NAV2: variants seen among roughly 807,000 people sequenced by gnomAD.
NAV2 encodes the protein helicase, APC down-regulated 1.
In NAV2, 54 loss-of-function variants were observed where a neutral mutation model predicts 223.2. That is an observed-to-expected ratio of 0.24 (90% confidence interval 0.19 to 0.30). NAV2 has a LOEUF of 0.30. Among genes scored for constraint, NAV2 ranks in the 10% least tolerant of loss-of-function variants. The pLI is 1.00. For synonymous variants in NAV2, 1,279 were observed against 1,239.3 expected (o/e 1.03, Z -0.67); for missense variants, 2,806 against 3,147.5 (o/e 0.89, Z 2.60).
chr11:19,731,813 G>A (rs2051799982), intron 1 of NAV2, among the ~76,000 whole-genome samples: 1 of 152,202 alleles, frequency 6.6e-6, no homozygotes, highest in African/African-American at 2.4e-5. Flanking sequence ...AATGATTAAT[G>A]TGAACATGTA....
At chr11:19,346,694 T>C (rs1590023230), upstream of NAV2, among the ~76,000 whole-genome samples, 1 of 152,184 alleles carries the variant, frequency 6.6e-6, no homozygotes, top group African/African-American at 2.4e-5. Flanking sequence ...GGCGGCTGGG[T>C]CTGCCCTCCC....
At chr11:19,918,453 C>T (rs2153225989) in intron 6 of NAV2, among the ~76,000 whole-genome samples, 1 of 152,256 alleles carries the variant, frequency 6.6e-6, no homozygotes, top group South Asian at 2.1e-4. Flanking sequence ...TGGGAGGTGA[C>T]TTGTAAGCAT....
intron 1 of NAV2, among the ~76,000 whole-genome samples, chr11:19,619,270 A>C (rs1590697922): frequency 0.017 from 1 of 58 alleles, no homozygotes. Flanking sequence ...TTGGGTATAT[A>C]ACCCAGTAAT....
intron 15 of NAV2, 142 bp from the exon 16 acceptor site, chr11:20,049,694 A>G: frequency 1.3e-6 from 1 of 762,948 alleles, no homozygotes; most frequent in Non-Finnish European, 2.3e-6. Context: ...TCTCTGCAGC[A>G]GGGATAAATG....
chr11:19,474,254 C>T (rs1358406916), intron 1 of NAV2, among the ~76,000 whole-genome samples: 1 of 152,218 alleles, frequency 6.6e-6, no homozygotes, highest in African/African-American at 2.4e-5. Flanking sequence ...CAATGCAAGG[C>T]CAGCCCAGTG....
At chr11:19,947,541 C>T (rs2707083) in intron 9 of NAV2, among the ~76,000 whole-genome samples, 144,127 of 152,264 alleles carry the variant, frequency 0.95, 68,721 homozygotes, top group East Asian at 1. Context: ...AGCAGTTTGA[C>T]GGTGGGATGG....
Position 20,120,817 on chromosome 11 carries a change from ATT to A in NAV2, c.*2563_*2564del, listed in dbSNP as rs2063438513. 1 of 151,116 alleles carries A rather than the reference ATT, an allele frequency of 6.6e-6. No individual in the cohort carries two copies. The highest frequency in any genetic ancestry group is 1.5e-5 in the Non-Finnish European group (1 of 67,948). 9.4% of individuals were successfully genotyped at this position (151,116 alleles called of 1,614,324 possible). A position where few individuals can be genotyped will look rare whatever the true frequency, so the allele number is the denominator to read the frequency against. On this transcript the variant is annotated 3_prime_UTR_variant, in exon 38 of 38. Transcript: ENST00000349880. The stretch of plus-strand genomic sequence containing the variant: ...TATGCACATTTCTTATTTTGGTCAT[ATT>A]TTTACTTTAGTGTCACTCACCTTTT...
At chr11:19,732,758 T>C (rs2051917902) in intron 1 of NAV2, among the ~76,000 whole-genome samples, 1 of 152,202 alleles carries the variant, frequency 6.6e-6, no homozygotes, top group South Asian at 2.1e-4. Context: ...CCTGGGTGTT[T>C]CCTGGAGATC....
intron 22 of NAV2, 139 bp downstream of exon 22, chr11:20,068,537 G>A: frequency 1.5e-6 from 1 of 675,426 alleles, no homozygotes. Flanking sequence ...CATCATGGGT[G>A]TGAATGTCAG....
chr11:19,807,764 A>G (rs1276131950), intron 1 of NAV2, among the ~76,000 whole-genome samples: 1 of 152,210 alleles, frequency 6.6e-6, no homozygotes, highest in Non-Finnish European at 1.5e-5. Flanking sequence ...GTGTTCTCCA[A>G]TGATAACCTC....
chr11:19,609,157 A>G (rs1565096719), intron 1 of NAV2, among the ~76,000 whole-genome samples: 1 of 152,220 alleles, frequency 6.6e-6, no homozygotes, highest in Non-Finnish European at 1.5e-5. Flanking sequence ...AGACATCTCT[A>G]GATGGCACGA....
At chr11:20,068,143 T>C in intron 20 of NAV2, 43 bp from the exon 21 acceptor site, 1 of 1,596,180 alleles carries the variant, frequency 6.3e-7, no homozygotes, top group Non-Finnish European at 8.6e-7. Context: ...ACACTATTCT[T>C]TGTTCCTTAA....
chr11:19,776,577 G>GGTGTGTGTGTGTGTGTGT lies in NAV2; in HGVS notation c.268-55893_268-55876dup, dbSNP rs71050684. ...AACGCAGCGTGTGGGCTGGGGCAGG[G>GGTGTGTGTGTGTGTGTGT]GTGTGTGTGTGTGTGTGTGTGTGTG... is the stretch of plus-strand genomic sequence containing the variant. On this transcript the variant is annotated intron_variant, in intron 1 of 37. Coordinates refer to ENST00000349880, the MANE Select transcript of NAV2 (RefSeq NM_145117.5). Among the ~76,000 whole-genome samples the GGTGTGTGTGTGTGTGTGT allele has an allele frequency of 7.7e-4, 89 of 116,178 alleles. 5 individuals carry two copies. The highest frequency in any genetic ancestry group is 2.9e-3 in the African/African-American group (76 of 26,058). The allele number at this position is 116,178 out of a possible 152,430, so 76.2% of individuals were successfully genotyped here. A position where few individuals can be genotyped will look rare whatever the true frequency, so the allele number is the denominator to read the frequency against.
At chr11:19,345,327 G>A in the NAV2 span, among the ~76,000 whole-genome samples, 1 of 152,250 alleles carries the variant, frequency 6.6e-6, no homozygotes, top group Non-Finnish European at 1.5e-5. This position sits in a 1 kb window ranked among gnomAD's most constrained non-coding sequence, Gnocchi z 5.2. Context: ...AACCCCCTAT[G>A]CTGCCTCCCC....
chr11:19,793,225 A>G (rs2057656283), intron 1 of NAV2, among the ~76,000 whole-genome samples: 1 of 135,232 alleles, frequency 7.4e-6, no homozygotes. Flanking sequence ...AAAAAAAAAA[A>G]AAAAGAAAGA....
chr11:20,068,259 T>C, intron 21 of NAV2, 50 bp downstream of exon 21: 1 of 1,610,538 alleles, frequency 6.2e-7, no homozygotes, highest in Non-Finnish European at 8.5e-7. Context: ...TTGTCAATTA[T>C]TTGACCCTGC....
intron 1 of NAV2, among the ~76,000 whole-genome samples, chr11:19,627,675 C>CT (rs1427787981): frequency 1.3e-5 from 2 of 152,044 alleles, no homozygotes; most frequent in Admixed American, 1.3e-4. Flanking sequence ...TCCAGGGCTT[C>CT]TTAGGGGACA....
At position 20,023,019 on chromosome 11, in the gene NAV2, C is replaced by A. The variant is rs1461045308; in HGVS notation, c.2769-12940C>A. 3 of 1,528,196 alleles carry A rather than the reference C, an allele frequency of 2.0e-6. No homozygotes were observed. The Admixed American group carries it at 5.9e-5, about 30-fold the overall frequency. The allele number at this position is 1,528,196 out of a possible 1,614,324, so 94.7% of individuals were successfully genotyped here. On this transcript the variant is annotated intron_variant, in intron 11 of 37. Transcript: ENST00000349880. Reference sequence around the variant, plus strand: ...CTGGGATTCCCTGGCCCAGTGTGGGCTGGCTCAGCTGGCTAAAGGACTTGC... The same window carrying A: ...CTGGGATTCCCTGGCCCAGTGTGGGATGGCTCAGCTGGCTAAAGGACTTGC...
intron 1 of NAV2, among the ~76,000 whole-genome samples, chr11:19,455,043 C>T (rs1401511890): frequency 6.6e-6 from 1 of 152,156 alleles, no homozygotes; most frequent in Non-Finnish European, 1.5e-5. Context: ...CAGGGGTAGG[C>T]AGCAAGCCTT....
Sources: gnomAD v4.1 joint callset for allele counts (sites outside exome capture counted in the v4.1 genomes callset) on GRCh38, gnomAD v4.1.1 for gene constraint, Gnocchi (gnomAD v3.1) non-coding constraint, MANE v1.5 for transcripts, NCBI Gene and HGNC (gene_info 2026-07-23, HGNC 2026-07-21) for gene names.